GDI2: variants seen among roughly 807,000 people sequenced by gnomAD.
GDI2 encodes rab GDP dissociation inhibitor beta.
In GDI2, 22 loss-of-function variants were observed where a neutral mutation model predicts 54.2. The observed-to-expected ratio is 0.41, with a 90% CI of 0.29 to 0.58. GDI2 has a LOEUF of 0.58. Ranked by LOEUF, GDI2 falls within the 20% of genes least tolerant of loss-of-function variation. The pLI is 0.35. For synonymous variants in GDI2, 177 were observed against 182.1 expected (o/e 0.97, Z 0.23); for missense variants, 422 against 546.0 (o/e 0.77, Z 2.26).
At chr10:5,812,766 A>G (rs1325085773) in intron 1 of GDI2, among the ~76,000 whole-genome samples, 2 of 152,200 alleles carry the variant, frequency 1.3e-5, no homozygotes, top group African/African-American at 4.8e-5. Flanking sequence ...TGGCAGCCAG[A>G]CTGACCCGGG....
At chr10:5,767,373 G>A (rs1840371104) in intron 8 of GDI2, among the ~76,000 whole-genome samples, 1 of 152,014 alleles carries the variant, frequency 6.6e-6, no homozygotes, top group Admixed American at 6.6e-5. Flanking sequence ...AGACAGGGAT[G>A]CAATCACAGC....
At chr10:5,769,648 A>G (rs1013796504) in intron 7 of GDI2, among the ~76,000 whole-genome samples, 2 of 152,200 alleles carry the variant, frequency 1.3e-5, no homozygotes, top group African/African-American at 2.4e-5. Context: ...CAATAAGCAC[A>G]TGCAAAGATG....
chr10:5,811,553 G>A (rs1485360365), intron 1 of GDI2, among the ~76,000 whole-genome samples: 1 of 151,566 alleles, frequency 6.6e-6, no homozygotes, highest in African/African-American at 2.4e-5. Flanking sequence ...AAAAACGGTG[G>A]AACTAACCGG....
intron 2 of GDI2, among the ~76,000 whole-genome samples, chr10:5,798,442 A>G (rs765632790): frequency 6.6e-6 from 1 of 152,044 alleles, no homozygotes; most frequent in Non-Finnish European, 1.5e-5. Context: ...ACAAAAAATT[A>G]GCCAGACGTG....
chr10:5,807,605 C>A (rs1841402287), intron 1 of GDI2, among the ~76,000 whole-genome samples: 1 of 152,232 alleles, frequency 6.6e-6, no homozygotes, highest in Non-Finnish European at 1.5e-5. Flanking sequence ...ATGACACTAG[C>A]ATCTGCCACC....
Position 5,776,301 on chromosome 10 carries a change from A to C in GDI2, c.720-2360T>G. The C allele has an allele frequency of 1.7e-6, 1 of 586,454 alleles. No homozygotes were observed. Among genetic ancestry groups the C allele is most frequent in the African/African-American group, 1.9e-5 (1 of 53,748 alleles). 36.3% of individuals were successfully genotyped at this position (586,454 alleles called of 1,614,324 possible). ...CGTGAAAAGACTGAAAGCCCAGCAGAACATAGGATGTAGCTGCCCATCTCA... is the reference window on the plus strand; with the variant it reads ...CGTGAAAAGACTGAAAGCCCAGCAGCACATAGGATGTAGCTGCCCATCTCA... On this transcript the variant is annotated intron_variant, in intron 6 of 10. Transcript: ENST00000380191. The surrounding 1 kb of genome is among the most constrained non-coding windows in gnomAD (Gnocchi z 5.3).
intron 7 of GDI2, chr10:5,769,152 A>ATT (rs1433779642): frequency 6.6e-6 from 1 of 152,198 alleles, no homozygotes; most frequent in East Asian, 1.9e-4. Flanking sequence ...AAATTTTTGC[A>ATT]TCAGAAGACA....
chr10:5,789,887 C>T (rs1840973207), intron 4 of GDI2, among the ~76,000 whole-genome samples: 1 of 152,162 alleles, frequency 6.6e-6, no homozygotes, highest in South Asian at 2.1e-4. Context: ...CCTTTTGTTG[C>T]TAATGTGGTG....
intron 1 of GDI2, chr10:5,812,000 T>G: frequency 1.8e-6 from 1 of 556,002 alleles, no homozygotes. Flanking sequence ...TGAGAGATTA[T>G]AATAAATTTC....
At chr10:5,789,612 G>T (rs1186539150) in intron 4 of GDI2, among the ~76,000 whole-genome samples, 3 of 152,116 alleles carry the variant, frequency 2.0e-5, no homozygotes, top group African/African-American at 7.2e-5. Flanking sequence ...GAAAAAACTT[G>T]CAGATGAACC....
At chr10:5,795,502 T>C (rs1381346861) in intron 3 of GDI2, among the ~76,000 whole-genome samples, 1 of 152,244 alleles carries the variant, frequency 6.6e-6, no homozygotes, top group Non-Finnish European at 1.5e-5. Flanking sequence ...GTTTTTGTTA[T>C]TTTTTATCTT....
intron 1 of GDI2, among the ~76,000 whole-genome samples, chr10:5,806,189 T>C (rs1016560381): frequency 1.3e-5 from 2 of 152,250 alleles, no homozygotes; most frequent in African/African-American, 4.8e-5. Flanking sequence ...ACTTACACTG[T>C]TGCCTTTTTA....
chr10:5,807,290 A>G (rs1205316887), intron 1 of GDI2, among the ~76,000 whole-genome samples: 1 of 152,252 alleles, frequency 6.6e-6, no homozygotes, highest in East Asian at 1.9e-4. Context: ...GCTCAAAATT[A>G]AATTCTACTA....
intron 4 of GDI2, among the ~76,000 whole-genome samples, chr10:5,793,346 C>A (rs1841059715): frequency 6.6e-6 from 1 of 152,106 alleles, no homozygotes; most frequent in Admixed American, 6.6e-5. Context: ...TATGAAGATA[C>A]TTTATTTGGA....
At chr10:5,808,726 T>TACACACACACACAC (rs111237506) in intron 1 of GDI2, among the ~76,000 whole-genome samples, 6 of 138,322 alleles carry the variant, frequency 4.3e-5, no homozygotes, top group East Asian at 4.4e-4. Context: ...AAACTACAAA[T>TACACACACACACAC]ACACACACAC....
intron 6 of GDI2, among the ~76,000 whole-genome samples, chr10:5,775,075 C>T (rs971677358): frequency 2.0e-5 from 3 of 152,200 alleles, no homozygotes; most frequent in African/African-American, 7.2e-5. Context: ...ATGGCTTGAA[C>T]GCAGGAGTTT....
chr10:5,783,970 T>C (rs986269689), intron 6 of GDI2, among the ~76,000 whole-genome samples: 3 of 152,228 alleles, frequency 2.0e-5, no homozygotes, highest in African/African-American at 7.2e-5. Flanking sequence ...CTTCTTGTAT[T>C]TGGATGTCTA....
In GDI2 at chr10:5,765,890, G is replaced by A. The variant is rs548244682; in HGVS notation, c.*116C>T. The A allele has an allele frequency of 3.9e-5, 29 of 743,098 alleles. No homozygotes were observed. The highest frequency in any genetic ancestry group is 8.9e-5 in the African/African-American group (5 of 56,140). The allele number at this position is 743,098 out of a possible 1,614,324, so 46.0% of individuals were successfully genotyped here. ...GAAGGGGAGTATTTACTGGCACAGC[G>A]CTCTTCATTCTCTCCATTTTCATTA... On this transcript the variant is annotated 3_prime_UTR_variant, in exon 11 of 11. Coordinates refer to ENST00000380191, the MANE Select transcript of GDI2 (RefSeq NM_001494.4).
chr10:5,795,112 G>A (rs953469933), intron 3 of GDI2, 93 bp from the exon 4 acceptor site: 7 of 778,012 alleles, frequency 9.0e-6, no homozygotes, highest in Middle Eastern at 2.4e-4. Context: ...TTTTTCTAAC[G>A]ATGTTCAATA....
Sources: allele counts gnomAD v4.1 joint callset (sites outside exome capture counted in the v4.1 genomes callset), GRCh38; gene constraint gnomAD v4.1.1; non-coding constraint Gnocchi (gnomAD v3.1); transcripts MANE v1.5; gene names NCBI Gene and HGNC (gene_info 2026-07-23, HGNC 2026-07-21).